FGD5: variants seen among roughly 807,000 people sequenced by gnomAD.
FGD5 encodes FYVE, RhoGEF and PH domain-containing protein 5.
A neutral mutation model predicts 133.4 loss-of-function variants in FGD5; 28 were observed. The ratio of observed to expected loss-of-function variants is 0.21; its 90% CI spans 0.16 to 0.29. FGD5 has a LOEUF of 0.29. Ranked by LOEUF, FGD5 falls within the 10% of genes least tolerant of loss-of-function variation. FGD5 has a pLI of 1.00. For missense variants in FGD5, 1,858 were observed against 1,895.2 expected, an observed-to-expected ratio of 0.98 and a Z score of 0.36; for synonymous variants, 810 against 776.5, an observed-to-expected ratio of 1.04 and a Z score of -0.72.
At chr3:14,912,247 C>A (rs796816201) in intron 11 of FGD5, among the ~76,000 whole-genome samples, 3 of 152,288 alleles carry the variant, frequency 2.0e-5, no homozygotes, top group African/African-American at 7.2e-5. Flanking sequence ...GCAGGGTGTG[C>A]TGGGCCCCGA....
At chr3:14,929,071 ATAGAT>A (rs1176142095) in intron 18 of FGD5, among the ~76,000 whole-genome samples, 2 of 152,174 alleles carry the variant, frequency 1.3e-5, no homozygotes, top group African/African-American at 2.4e-5. Flanking sequence ...CTTTTCCACC[ATAGAT>A]TAGTTTTGCC....
chr3:14,821,028 T>C lies in FGD5; in HGVS notation c.1957T>C (p.Phe653Leu). ...CAAGTACAAGAAGAAGAAGTCATCC[T>C]TTAAGCGCTTCCTGGCACTGACGTT... ...PDKYKKKKSS[F>L]KRFLALTFKK... Residue 653 changes from phenylalanine to leucine, a missense_variant, in exon 1 of 20, where the codon TTT (phenylalanine) becomes CTT (leucine). Coordinates refer to ENST00000285046, the MANE Select transcript of FGD5 (RefSeq NM_152536.4). 6.2e-7 allele frequency: 1 copy of C among 1,613,962 alleles called. No homozygotes were observed. The highest frequency in any genetic ancestry group is 1.1e-5 in the South Asian group (1 of 91,080).
At chr3:14,854,695 C>T (rs1172855677) in intron 1 of FGD5, among the ~76,000 whole-genome samples, 1 of 152,130 alleles carries the variant, frequency 6.6e-6, no homozygotes, top group Admixed American at 6.6e-5. Flanking sequence ...GCTGGGATTA[C>T]AAGTGTGAGC....
chr3:14,837,439 T>G (rs2036837105), intron 1 of FGD5, among the ~76,000 whole-genome samples: 1 of 152,184 alleles, frequency 6.6e-6, no homozygotes, highest in Non-Finnish European at 1.5e-5. Context: ...CCTTCGAACC[T>G]GCTAATTAGA....
chr3:14,928,758 T>C (rs1287203203), intron 18 of FGD5, among the ~76,000 whole-genome samples: 3 of 152,204 alleles, frequency 2.0e-5, no homozygotes, highest in East Asian at 3.9e-4. Context: ...ATAATAATAA[T>C]AATTTTACAG....
At chr3:14,879,542 C>G (rs560752191) in intron 2 of FGD5, among the ~76,000 whole-genome samples, 1 of 152,328 alleles carries the variant, frequency 6.6e-6, no homozygotes, top group South Asian at 2.1e-4. Context: ...AGAGTTAGTG[C>G]TTCCCAAGGG....
intron 18 of FGD5, among the ~76,000 whole-genome samples, chr3:14,928,358 C>T (rs2038849226): frequency 6.6e-6 from 1 of 152,156 alleles, no homozygotes. Flanking sequence ...AGGTGTAAGC[C>T]ACTGTGCCCA....
intron 4 of FGD5, among the ~76,000 whole-genome samples, chr3:14,889,241 C>G (rs1308242857): frequency 6.6e-6 from 1 of 152,200 alleles, no homozygotes; most frequent in Non-Finnish European, 1.5e-5. Flanking sequence ...TAGAACATTT[C>G]CATCATCCCA....
chr3:14,876,579 A>G (rs1244140469), intron 2 of FGD5, among the ~76,000 whole-genome samples: 1 of 152,220 alleles, frequency 6.6e-6, no homozygotes, highest in Admixed American at 6.5e-5. Flanking sequence ...ATCAAGAAAA[A>G]ACAAAAGAGT....
chr3:14,897,794 TAA>T, intron 5 of FGD5, 125 bp downstream of exon 5: 1 of 1,452,656 alleles, frequency 6.9e-7, no homozygotes, highest in South Asian at 1.4e-5. Context: ...TCCGAAGTGT[TAA>T]GTCATTTGCT....
At chr3:14,896,508 T>A (rs754015545) in intron 4 of FGD5, among the ~76,000 whole-genome samples, 10 of 152,122 alleles carry the variant, frequency 6.6e-5, no homozygotes, top group Non-Finnish European at 1.5e-4. Context: ...TTTATTCTTC[T>A]TCCCCAGGGT....
Position 14,926,119 on chromosome 3 carries a change from G to A in FGD5, c.4118G>A (p.Cys1373Tyr), listed in dbSNP as rs780586290. The A allele has an allele frequency of 1.7e-5, 28 of 1,613,862 alleles. No homozygotes were observed. The highest frequency in any genetic ancestry group is 2.4e-5 in the Non-Finnish European group (28 of 1,179,870). Reference sequence around the variant, plus strand: ...GCCATCAGTGGCTATCTCAGCCGGTGTAAGAGGGGCAAGCGGCACTGGAAG... The same window carrying A: ...GCCATCAGTGGCTATCTCAGCCGGTATAAGAGGGGCAAGCGGCACTGGAAG... ...GSAISGYLSR[C>Y]KRGKRHWKKL... The change falls in exon 18 of 20, where the codon TGT becomes TAT. Residue 1373 changes from cysteine (C) to tyrosine (Y), a missense_variant. By Grantham distance (194) the Cys-to-Tyr change is radical. Transcript: ENST00000285046.
intron 4 of FGD5, among the ~76,000 whole-genome samples, chr3:14,884,958 A>G (rs2037896714): frequency 1.3e-5 from 2 of 151,938 alleles, no homozygotes; most frequent in African/African-American, 4.8e-5. Flanking sequence ...ATCTAGAGAA[A>G]GCAGTCTTGC....
rs185560856 is a variant in FGD5 at position 14,881,993 on chromosome 3, C to G, written c.2748+1221C>G. Among the ~76,000 whole-genome samples the G allele has an allele frequency of 7.0e-4, 107 of 152,300 alleles. 2 individuals are homozygous for G. The highest frequency in any genetic ancestry group is 5.3e-4 in the Non-Finnish European group (36 of 68,022). On this transcript the variant is annotated intron_variant, in intron 4 of 19. Coordinates refer to ENST00000285046, the MANE Select transcript of FGD5 (RefSeq NM_152536.4). ...CCCTGGCATCACATCCCCACATGAG[C>G]TGATAGCAGCCAGGACCCCAGGAGG...
chr3:14,923,987 T>C lies in FGD5; in HGVS notation c.3938-21T>C, dbSNP rs372956622. ...AGGCACGCCTCTCACCTCCCTTCCATGTGGCTTCTTTCAGTTACAGAGCGG... is the reference window on the plus strand; with the variant it reads ...AGGCACGCCTCTCACCTCCCTTCCACGTGGCTTCTTTCAGTTACAGAGCGG... On this transcript the variant is annotated intron_variant, in intron 16 of 19. Transcript: ENST00000285046. 6 of 1,613,768 alleles carry C rather than the reference T, an allele frequency of 3.7e-6. No individual in the cohort carries two copies. The South Asian group carries it at 5.5e-5, about 15-fold the overall frequency.
At chr3:14,878,776 A>G (rs1175207217) in intron 2 of FGD5, among the ~76,000 whole-genome samples, 2 of 137,774 alleles carry the variant, frequency 1.5e-5, no homozygotes, top group Non-Finnish European at 3.0e-5. Flanking sequence ...CCCAGGCTGG[A>G]GTGCAATGGC....
At chr3:14,830,265 G>A (rs969327405) in intron 1 of FGD5, among the ~76,000 whole-genome samples, 2 of 152,170 alleles carry the variant, frequency 1.3e-5, no homozygotes, top group Non-Finnish European at 2.9e-5. Flanking sequence ...ATGTGGCTGT[G>A]CTTCTTGTTG....
chr3:14,838,430 A>G (rs7638578), intron 1 of FGD5, among the ~76,000 whole-genome samples: 33,681 of 152,076 alleles, frequency 0.22, 3,904 homozygotes, highest in East Asian at 0.31. Flanking sequence ...AGTTTCCAGG[A>G]TTAGGGAGTG....
In FGD5 at chr3:14,922,975, C is replaced by T. The variant is rs941294713; in HGVS notation, c.3808-71C>T. On this transcript the variant is annotated intron_variant, in intron 15 of 19. Coordinates refer to ENST00000285046, the MANE Select transcript of FGD5 (RefSeq NM_152536.4). The surrounding 1 kb of genome is among the most constrained non-coding windows in gnomAD (Gnocchi z 4.1). ...GTTGTGGGTGGATTAGCAGAGGGAG[C>T]GGAGGGGAGGGGTGCAGGTCTCCTT... 3.8e-5 allele frequency: 61 copies of T among 1,599,634 alleles called. No homozygotes were observed. In the African/African-American group the frequency reaches 5.9e-4, roughly 15 times the overall value.
Sources: gnomAD v4.1 joint callset for allele counts (sites outside exome capture counted in the v4.1 genomes callset) on GRCh38, gnomAD v4.1.1 for gene constraint, Gnocchi (gnomAD v3.1) non-coding constraint, MANE v1.5 for transcripts, NCBI Gene and HGNC (gene_info 2026-07-23, HGNC 2026-07-21) for gene names.